Variants in AKAP6 observed in about 807,000 individuals in gnomAD.
The protein encoded by AKAP6 is A-kinase anchoring protein 6.
In AKAP6, 58 loss-of-function variants were observed where a neutral mutation model predicts 188.5. The ratio of observed to expected loss-of-function variants is 0.31; its 90% CI spans 0.25 to 0.38. The LOEUF (loss-of-function observed/expected upper bound fraction) is 0.38. AKAP6 is among the 10% of genes least tolerant of loss of function. The probability of loss-of-function intolerance (pLI) is 1.00; values close to 1 mark genes in which losing one functional copy is unlikely to be tolerated. For missense variants in AKAP6, 2,710 were observed against 2,740.0 expected, an observed-to-expected ratio of 0.99 and a Z score of 0.24; for synonymous variants, 989 against 998.6, an observed-to-expected ratio of 0.99 and a Z score of 0.18.
intron 5 of AKAP6, among the ~76,000 whole-genome samples, chr14:32,595,619 C>T (rs1885663069): frequency 6.6e-6 from 1 of 152,144 alleles, no homozygotes; most frequent in Admixed American, 6.6e-5. Flanking sequence ...AGCAGTCTTC[C>T]CGCCTCAGCT....
intron 11 of AKAP6, among the ~76,000 whole-genome samples, chr14:32,748,891 C>T (rs1594907343): frequency 6.6e-6 from 1 of 152,206 alleles, no homozygotes; most frequent in East Asian, 1.9e-4. Context: ...CTTTTGTAAA[C>T]CCTCTTTTTA....
chr14:32,638,255 T>C (rs1887600354), intron 7 of AKAP6, among the ~76,000 whole-genome samples: 1 of 152,020 alleles, frequency 6.6e-6, no homozygotes, highest in Non-Finnish European at 1.5e-5. Flanking sequence ...TGAGTACTGA[T>C]GAAGACCGGC....
chr14:32,786,310 T>TTG (rs1566710302), intron 12 of AKAP6, among the ~76,000 whole-genome samples: 8 of 95,270 alleles, frequency 8.4e-5, no homozygotes, highest in African/African-American at 3.0e-4. Flanking sequence ...TTTTTTTTTT[T>TTG]TTTTTTTTTT....
intron 12 of AKAP6, among the ~76,000 whole-genome samples, chr14:32,808,078 T>A (rs1344913579): frequency 6.6e-6 from 1 of 152,240 alleles, no homozygotes; most frequent in African/African-American, 2.4e-5. Context: ...CATCTCACAT[T>A]CTCTTTATTC....
At chr14:32,501,980 A>C (rs1177275214) in intron 2 of AKAP6, among the ~76,000 whole-genome samples, 2 of 152,144 alleles carry the variant, frequency 1.3e-5, no homozygotes, top group Non-Finnish European at 2.9e-5. Context: ...TGGATCGTTT[A>C]ACTAATAGTA....
intron 1 of AKAP6, among the ~76,000 whole-genome samples, chr14:32,399,596 C>T (rs924217733): frequency 1.3e-5 from 2 of 152,166 alleles, no homozygotes; most frequent in East Asian, 3.9e-4. Flanking sequence ...GAACACTTTA[C>T]AAAGTGTTGA....
At chr14:32,577,051 T>C in intron 4 of AKAP6, 69 bp from the exon 5 acceptor site, 1 of 1,542,024 alleles carries the variant, frequency 6.5e-7, no homozygotes, top group East Asian at 2.3e-5. Flanking sequence ...TAATATTGGC[T>C]TTTTACAGAA....
At chr14:32,549,238 G>A (rs1233657028) in intron 4 of AKAP6, among the ~76,000 whole-genome samples, 1 of 152,122 alleles carries the variant, frequency 6.6e-6, no homozygotes, top group East Asian at 1.9e-4. Flanking sequence ...TGTCCATGAG[G>A]AAGTGATCAA....
chr14:32,744,140 C>T (rs979058816), intron 11 of AKAP6, among the ~76,000 whole-genome samples: 4 of 152,088 alleles, frequency 2.6e-5, no homozygotes, highest in African/African-American at 9.7e-5. Context: ...ACTGAAAAGT[C>T]TGCTGCCTGC....
intron 11 of AKAP6, among the ~76,000 whole-genome samples, chr14:32,745,394 T>TC (rs2031852646): frequency 7.7e-6 from 1 of 130,530 alleles, no homozygotes; most frequent in Non-Finnish European, 1.7e-5. Context: ...TCTAGGATAA[T>TC]TTCTGGATTG....
intron 7 of AKAP6, among the ~76,000 whole-genome samples, chr14:32,624,471 T>A (rs1886936174): frequency 6.6e-6 from 1 of 152,138 alleles, no homozygotes; most frequent in Admixed American, 6.6e-5. Flanking sequence ...GAAAATATAG[T>A]TGTTGAGTGG....
intron 2 of AKAP6, among the ~76,000 whole-genome samples, chr14:32,502,039 A>G (rs1047513481): frequency 6.6e-6 from 1 of 152,108 alleles, no homozygotes; most frequent in Non-Finnish European, 1.5e-5. Flanking sequence ...TTCCTTCCTC[A>G]TACTGAAGCT....
chr14:32,671,243 C>T (rs1175401595), intron 7 of AKAP6, among the ~76,000 whole-genome samples: 1 of 152,006 alleles, frequency 6.6e-6, no homozygotes, highest in African/African-American at 2.4e-5. Flanking sequence ...AAGCAAATGC[C>T]CCGAGAGCAC....
intron 2 of AKAP6, among the ~76,000 whole-genome samples, chr14:32,461,576 C>T (rs1414830608): frequency 2.0e-5 from 3 of 152,078 alleles, no homozygotes; most frequent in Non-Finnish European, 2.9e-5. Flanking sequence ...CATCTAAAGG[C>T]CATCAGCCTC....
intron 7 of AKAP6, among the ~76,000 whole-genome samples, chr14:32,601,244 T>C (rs1373411519): frequency 6.6e-6 from 1 of 152,226 alleles, no homozygotes; most frequent in East Asian, 1.9e-4. Context: ...CTCATTCCTG[T>C]TAATGACTAT....
intron 2 of AKAP6, among the ~76,000 whole-genome samples, chr14:32,463,878 T>C: frequency 6.7e-6 from 1 of 149,380 alleles, no homozygotes; most frequent in Non-Finnish European, 1.5e-5. Context: ...CAGAGAAGAA[T>C]CAAATAGACA....
At chr14:32,390,400 A>AT (rs1294231270) in intron 1 of AKAP6, among the ~76,000 whole-genome samples, 1 of 152,014 alleles carries the variant, frequency 6.6e-6, no homozygotes, top group Non-Finnish European at 1.5e-5. Flanking sequence ...AGCTAGTGTG[A>AT]TTTTTTGGAG....
At chr14:32,371,594 T>G (rs952141871) in intron 1 of AKAP6, among the ~76,000 whole-genome samples, 1 of 152,206 alleles carries the variant, frequency 6.6e-6, no homozygotes, top group African/African-American at 2.4e-5. Context: ...AGCAAGACCC[T>G]GTTTCTAAAT....
At chr14:32,722,650 G>T (rs189420812) in intron 9 of AKAP6, among the ~76,000 whole-genome samples, 56 of 152,226 alleles carry the variant, frequency 3.7e-4, no homozygotes, top group Non-Finnish European at 4.4e-5. Context: ...AGAGGAGTTC[G>T]GCTGGCTGGG....
Sources: allele counts gnomAD v4.1 joint callset (sites outside exome capture counted in the v4.1 genomes callset), GRCh38; gene constraint gnomAD v4.1.1; transcripts MANE v1.5; gene names NCBI Gene and HGNC (gene_info 2026-07-23, HGNC 2026-07-21).